The following PLCB2 variants were observed in gnomAD, a reference collection of about 807,000 sequenced individuals.
PLCB2 encodes 1-phosphatidylinositol 4,5-bisphosphate phosphodiesterase beta-2.
PLCB2 carries 115 observed loss-of-function variants against 141.7 expected under a neutral mutation model. That is an observed-to-expected ratio of 0.81 (90% CI 0.70 to 0.95). The LOEUF (loss-of-function observed/expected upper bound fraction) is 0.95. Among genes scored for constraint, PLCB2 ranks in the 40% least tolerant of loss-of-function variants. The probability of loss-of-function intolerance (pLI) is 0.00; values close to 1 mark genes in which losing one functional copy is unlikely to be tolerated. For missense variants in PLCB2, 1,403 were observed against 1,541.1 expected (o/e 0.91, Z 1.50); for synonymous variants, 603 against 595.6 (o/e 1.01, Z -0.18).
rs771118655 is a variant in PLCB2 at position 40,297,966 on chromosome 15, GAGA to G, written c.1156-10_1156-8del. The G allele has an allele frequency of 6.1e-5, 97 of 1,586,686 alleles. No homozygotes were observed. The highest frequency in any genetic ancestry group is 8.9e-5 in the East Asian group (4 of 44,694). On this transcript the variant is annotated splice_polypyrimidine_tract_variant and splice_region_variant and intron_variant, in intron 11 of 31. Transcript: ENST00000260402. This position sits in a 1 kb window ranked among gnomAD's most constrained non-coding sequence, Gnocchi z 4.2. ...CAATAGCCTCAATTGCTTCCTGGAG[GAGA>G]AGGAGACTCCATGAACAGAAGGTCA...
chr15:40,304,860 C>A (rs2040712950), intron 1 of PLCB2, among the ~76,000 whole-genome samples: 1 of 152,160 alleles, frequency 6.6e-6, no homozygotes, highest in Non-Finnish European at 1.5e-5. Context: ...CATAGGCTAC[C>A]TTTTAGTTTA....
chr15:40,291,447 C>A lies in PLCB2; in HGVS notation c.2688G>T (p.Lys896Asn). Residue 896 changes from lysine to asparagine, a missense_variant, in exon 26 of 32, where the codon AAG becomes AAT. Lys to Asn is a moderately conservative substitution (Grantham distance 94, BLOSUM62 0). Around this residue, in one of 4 missense-constraint regions of PLCB2, gnomAD observed 290 missense variants for 245.9 expected, o/e 1.18. Transcript: ENST00000260402. ...GCCGCCGCTGCAGCTTCACCACGCC[C>A]TTTAGCTCCCGGAGCTCCTCCAGGC... is the stretch of plus-strand genomic sequence containing the variant. ...TASLEELREL[K>N]GVVKLQRRHE... 1.3e-6 allele frequency: 2 copies of A among 1,554,370 alleles called. No homozygotes were observed. Among genetic ancestry groups the A allele is most frequent in the South Asian group, 2.3e-5 (2 of 85,594 alleles).
Position 40,293,686 on chromosome 15 carries a change from G to A in PLCB2, c.2100C>T (p.Arg700=), listed in dbSNP as rs2040048642. The part of the protein sequence containing the change: ...SGQFLSERSV[R]TYVEVELFGL... Reference sequence around the variant, plus strand: ...CAAACAGCTCCACTTCTACATAGGTGCGCACGCTGCGTTCTGACAGGAACT... The same window carrying A: ...CAAACAGCTCCACTTCTACATAGGTACGCACGCTGCGTTCTGACAGGAACT... The change falls in exon 20 of 32, where the codon CGC becomes CGT. Residue 700 remains arginine (R), a synonymous_variant. Coordinates refer to ENST00000260402, the MANE Select transcript of PLCB2 (RefSeq NM_004573.3). The A allele has an allele frequency of 6.2e-7, 1 of 1,613,998 alleles. No homozygotes were observed. The highest frequency in any genetic ancestry group is 8.5e-7 in the Non-Finnish European group (1 of 1,179,926).
intron 20 of PLCB2, among the ~76,000 whole-genome samples, chr15:40,293,330 C>G (rs1185579774): frequency 6.6e-6 from 1 of 152,176 alleles, no homozygotes; most frequent in Non-Finnish European, 1.5e-5. Context: ...CCATGGGAAC[C>G]TCAACCCTGA....
chr15:40,290,514 G>A, intron 29 of PLCB2, 63 bp downstream of exon 29: 1 of 477,516 alleles, frequency 2.1e-6, no homozygotes, highest in Non-Finnish European at 3.3e-6. Flanking sequence ...TCCATTTGTA[G>A]AGAGGCCCCT....
chr15:40,287,896 C>G (rs2039644721), downstream of PLCB2: 1 of 981,268 alleles, frequency 1.0e-6, no homozygotes, highest in Non-Finnish European at 1.2e-6. Flanking sequence ...AGAGACCAGG[C>G]TTAAGCAGGA....
At chr15:40,289,504 T>C (rs2039735144) in intron 30 of PLCB2, 146 bp from the exon 31 acceptor site, 2 of 651,888 alleles carry the variant, frequency 3.1e-6, no homozygotes, top group Non-Finnish European at 5.5e-6. Context: ...AAGATAAGGA[T>C]AGCAGCACCT....
At position 40,299,158 on chromosome 15, in the gene PLCB2, C is replaced by G; in HGVS notation, c.653G>C (p.Arg218Pro). 6.2e-7 allele frequency: 1 copy of G among 1,613,584 alleles called. No homozygotes were observed. Among genetic ancestry groups the G allele is most frequent in the Non-Finnish European group, 8.5e-7 (1 of 1,179,634 alleles). Residue 218 changes from arginine to proline, a missense_variant, in exon 8 of 32, where the codon CGG (arginine) becomes CCG (proline). Around this residue, in one of 4 missense-constraint regions of PLCB2, gnomAD observed 975 missense variants for 1,141.1 expected, o/e 0.85. Coordinates refer to ENST00000260402, the MANE Select transcript of PLCB2 (RefSeq NM_004573.3). ...YKSFLMSLCP[R>P]PEIDEIFTSY... ...AGTGAAGATCTCATCTATTTCTGGC[C>G]GAGGACAGAGGCTCATGAGGAAACT... is the stretch of plus-strand genomic sequence containing the variant.
In PLCB2 at chr15:40,296,750, G is replaced by A. The variant is rs1387230645; in HGVS notation, c.1482C>T (p.Gly494=). 6.2e-7 allele frequency: 1 copy of A among 1,612,946 alleles called. No individual in the cohort carries two copies. Among genetic ancestry groups the A allele is most frequent in the East Asian group, 2.2e-5 (1 of 44,874 alleles). The change falls in exon 14 of 32, where the codon GGC becomes GGT. Residue 494 remains glycine (G), a synonymous_variant. Coordinates refer to ENST00000260402, the MANE Select transcript of PLCB2 (RefSeq NM_004573.3). ...SSPPSAPAGE[G]TVWAGEEGTE... ...CCATAGTCCTCCCCGACTCACCTGT[G>A]CCCTCACCTGCAGGGGCACTGGGTG... is the stretch of plus-strand genomic sequence containing the variant.
chr15:40,290,161 T>A, intron 29 of PLCB2, 79 bp from the exon 30 acceptor site: 2 of 922,240 alleles, frequency 2.2e-6, no homozygotes, highest in Non-Finnish European at 3.6e-6. Context: ...ACGCAGGATG[T>A]AGGCAAATGA....
rs188012782 is a variant in PLCB2, at chr15:40,298,741, C to G, written c.851-33G>C. 103 of 1,612,484 alleles carry G rather than the reference C, an allele frequency of 6.4e-5. No homozygotes were observed. The African/African-American group carries it at 1.3e-3, about 20-fold the overall frequency. ...ACAGGAGATAGCTGTCAGGCTACAA[C>G]CCCGCTGCCAAGGCAGGACAGGACC... On this transcript the variant is annotated intron_variant, in intron 9 of 31. Transcript: ENST00000260402.
At chr15:40,294,176 G>C in intron 19 of PLCB2, 90 bp downstream of exon 19, 1 of 1,282,656 alleles carries the variant, frequency 7.8e-7, no homozygotes, top group South Asian at 1.2e-5. Flanking sequence ...TATCAGGGGA[G>C]GGGGTTGCGA....
chr15:40,293,819 C>G (rs960165145), intron 19 of PLCB2, 95 bp from the exon 20 acceptor site: 32 of 1,269,934 alleles, frequency 2.5e-5, no homozygotes, highest in South Asian at 1.5e-4. Context: ...CTGAAGCATT[C>G]GTTCTTGGGT....
Position 40,289,292 on chromosome 15 carries a change from T to TGC in PLCB2, c.3333_3334insGC (p.Ile1112AlafsTer21). On this transcript the variant is annotated frameshift_variant, in exon 31 of 32. Transcript: ENST00000260402. LOFTEE classifies it low-confidence loss of function (END_TRUNC). ...GTTACCTGCTTTTCCATCTCCCGTA[T>TGC]CTGTTCCAGGCAAGCCGCCTGCTTC... The TGC allele has an allele frequency of 6.2e-7, 1 of 1,614,004 alleles. No individual in the cohort carries two copies.
At chr15:40,287,698 C>T (rs552129350), downstream of PLCB2, among the ~76,000 whole-genome samples, 1 of 152,228 alleles carries the variant, frequency 6.6e-6, no homozygotes, top group South Asian at 2.1e-4. Context: ...CATAATTTTC[C>T]AGTGATTGTG....
In PLCB2 at chr15:40,289,312, T is replaced by TGCTTCTCCTCCA. The variant is rs763532703; in HGVS notation, c.3302_3313dup (p.Leu1101_Lys1104dup). ...CCGTATCTGTTCCAGGCAAGCCGCC[T>TGCTTCTCCTCCA]GCTTCTCCTCCAGCTTCTCCTGGTG... On this transcript the variant is annotated inframe_insertion, in exon 31 of 32. Transcript: ENST00000260402. 28 of 1,614,038 alleles carry TGCTTCTCCTCCA rather than the reference T, an allele frequency of 1.7e-5. No homozygotes were observed. The highest frequency in any genetic ancestry group is 2.2e-5 in the East Asian group (1 of 44,894).
intron 20 of PLCB2, 116 bp downstream of exon 20, chr15:40,293,444 A>G: frequency 9.9e-7 from 1 of 1,007,974 alleles, no homozygotes; most frequent in Non-Finnish European, 1.5e-6. Flanking sequence ...GCCCAGGGTG[A>G]GGGATGGGAA....
chr15:40,297,471 C>G lies in PLCB2; in HGVS notation c.1323+50G>C. The G allele has an allele frequency of 1.4e-6, 2 of 1,418,518 alleles. No homozygotes were observed. Among genetic ancestry groups the G allele is most frequent in the Non-Finnish European group, 2.0e-6 (2 of 1,001,234 alleles). 87.9% of individuals were successfully genotyped at this position (1,418,518 alleles called of 1,614,324 possible). On this transcript the variant is annotated intron_variant, in intron 13 of 31. Coordinates refer to ENST00000260402, the MANE Select transcript of PLCB2 (RefSeq NM_004573.3). This position sits in a 1 kb window ranked among gnomAD's most constrained non-coding sequence, Gnocchi z 4.2. ...TCCCTAACCTGGTTCTCACCCTGCC[C>G]CAGGTTCCCAGGCCCAAGGCTCAAA...
chr15:40,287,345 A>C (rs2039627536), downstream of PLCB2, among the ~76,000 whole-genome samples: 1 of 152,160 alleles, frequency 6.6e-6, no homozygotes, highest in South Asian at 2.1e-4. Context: ...GCTCACAGCT[A>C]ACGGCATGTG....
Sources: gnomAD v4.1 joint callset for allele counts (sites outside exome capture counted in the v4.1 genomes callset) on GRCh38, gnomAD v4.1.1 for gene constraint, gnomAD v4.1.1 regional missense constraint, Gnocchi (gnomAD v3.1) non-coding constraint, MANE v1.5 for transcripts, NCBI Gene and HGNC (gene_info 2026-07-23, HGNC 2026-07-21) for gene names.